Variants in CFAP300 observed in about 807,000 individuals in gnomAD.
CFAP300 encodes the protein cilia- and flagella-associated protein 300.
CFAP300 carries 32 observed loss-of-function variants against 33.0 expected under a neutral mutation model. The observed-to-expected ratio is 0.97, with a 90% CI of 0.73 to 1.30. The LOEUF (loss-of-function observed/expected upper bound fraction) is 1.30, where lower values mean the gene tolerates loss of function less well. CFAP300 is among the 50% of genes most tolerant of loss of function. CFAP300 has a pLI of 0.00. For missense variants in CFAP300, 356 were observed against 318.1 expected, an observed-to-expected ratio of 1.12 and a Z score of -0.90; for synonymous variants, 102 against 106.8, an observed-to-expected ratio of 0.95 and a Z score of 0.28.
In CFAP300 at chr11:102,065,880, C is replaced by A. The variant is rs145219930; in HGVS notation, c.269-605C>A. ...TCTGATAATATATGCATTAAGAATC[C>A]TCTACTACATTTTTTTAAAATGTAT... On this transcript the variant is annotated intron_variant, in intron 3 of 6. Transcript: ENST00000434758. 4.7e-3 allele frequency among the ~76,000 whole-genome samples: 717 copies of A among 152,056 alleles called. 7 individuals carry two copies. Among genetic ancestry groups the A allele is most frequent in the African/African-American group, 0.016 (673 of 41,484 alleles).
rs2135053010 is a variant in CFAP300 at position 102,081,269 on chromosome 11, A to C, written c.663A>C (p.Lys221Asn). 1.9e-6 allele frequency: 3 copies of C among 1,612,152 alleles called. No homozygotes were observed. The highest frequency in any genetic ancestry group is 1.3e-5 in the African/African-American group (1 of 75,016). The change falls in exon 6 of 7, where the codon AAA (lysine) becomes AAC (asparagine). Residue 221 changes from lysine (K) to asparagine (N), a missense_variant. Lys to Asn is a moderately conservative substitution (Grantham distance 94, BLOSUM62 0). Coordinates refer to ENST00000434758, the MANE Select transcript of CFAP300 (RefSeq NM_032930.3). ...TACAGATTACCTCTTCTGTCTTTAAAGTTTCAGCTTATGTAAGTGTGAGAG... is the reference window on the plus strand; with the variant it reads ...TACAGATTACCTCTTCTGTCTTTAACGTTTCAGCTTATGTAAGTGTGAGAG... Reference protein sequence around the residue: ...KKIQITSSVFKVSAYDSAGMC... With the variant: ...KKIQITSSVFNVSAYDSAGMC...
chr11:102,055,054 C>G (rs574022806), intron 2 of CFAP300, among the ~76,000 whole-genome samples: 12 of 151,106 alleles, frequency 7.9e-5, no homozygotes, highest in African/African-American at 2.9e-4. Flanking sequence ...GATCTCAGCT[C>G]ACTGCAACCT....
intron 4 of CFAP300, among the ~76,000 whole-genome samples, chr11:102,072,385 G>A (rs1041707060): frequency 1.3e-5 from 2 of 151,826 alleles, no homozygotes; most frequent in African/African-American, 4.8e-5. Flanking sequence ...ATCCTGAATT[G>A]TTTTTCTGAT....
intron 5 of CFAP300, among the ~76,000 whole-genome samples, chr11:102,081,003 TAA>T (rs780515800): frequency 2.0e-5 from 3 of 152,184 alleles, no homozygotes; most frequent in South Asian, 2.1e-4. Flanking sequence ...CTTCTAACTG[TAA>T]GATTCAATTT....
intron 3 of CFAP300, among the ~76,000 whole-genome samples, chr11:102,065,330 T>A (rs1942206229): frequency 6.6e-6 from 1 of 151,676 alleles, no homozygotes; most frequent in Non-Finnish European, 1.5e-5. Flanking sequence ...GGTCTCAAAC[T>A]CCTGACCTCA....
At chr11:102,070,175 G>T (rs1177237570) in intron 4 of CFAP300, among the ~76,000 whole-genome samples, 1 of 152,116 alleles carries the variant, frequency 6.6e-6, no homozygotes, top group African/African-American at 2.4e-5. Context: ...GTGGAGATAT[G>T]CAAGTGTTAC....
At chr11:102,055,630 G>A (rs1942042004) in intron 2 of CFAP300, among the ~76,000 whole-genome samples, 1 of 150,306 alleles carries the variant, frequency 6.7e-6, no homozygotes, top group African/African-American at 2.4e-5. Context: ...CCATAGGCGT[G>A]AGGCACCACA....
intron 2 of CFAP300, among the ~76,000 whole-genome samples, chr11:102,055,361 C>CTTTTTTTTTTTTT (rs561779599): frequency 0.015 from 1,703 of 113,038 alleles, 49 homozygotes; most frequent in East Asian, 0.027. Flanking sequence ...ATGCGTTACT[C>CTTTTTTTTTTTTT]TTTTTTTTTT....
rs1470503538 is a variant in CFAP300, at chr11:102,050,553, A to G, written c.192+2657A>G. On this transcript the variant is annotated intron_variant, in intron 2 of 6. Transcript: ENST00000434758. ...ACATCTCTTTAGTTCCTAGGTCTATATAGATGAATAGACACAATTAAAGGG... is the reference window on the plus strand; with the variant it reads ...ACATCTCTTTAGTTCCTAGGTCTATGTAGATGAATAGACACAATTAAAGGG... 3.9e-5 allele frequency among the ~76,000 whole-genome samples: 6 copies of G among 152,350 alleles called. No individual in the cohort carries two copies. In the South Asian group the frequency reaches 1.2e-3, roughly 32 times the overall value.
At chr11:102,062,010 A>G (rs1250626698) in intron 3 of CFAP300, among the ~76,000 whole-genome samples, 1 of 152,128 alleles carries the variant, frequency 6.6e-6, no homozygotes, top group African/African-American at 2.4e-5. Flanking sequence ...TAACCCTTCA[A>G]TGTGATGGTT....
At chr11:102,064,018 G>A (rs375886554) in intron 3 of CFAP300, among the ~76,000 whole-genome samples, 101 of 151,980 alleles carry the variant, frequency 6.6e-4, no homozygotes, top group African/African-American at 2.3e-3. Flanking sequence ...TTTCCCAAAG[G>A]CCCCATCTCC....
At chr11:102,065,168 G>A (rs985285131) in intron 3 of CFAP300, among the ~76,000 whole-genome samples, 1 of 151,964 alleles carries the variant, frequency 6.6e-6, no homozygotes, top group African/African-American at 2.4e-5. Flanking sequence ...GTGCAGTGGC[G>A]TCATCTCGGC....
chr11:102,050,395 C>G (rs1010919006), intron 2 of CFAP300, among the ~76,000 whole-genome samples: 1 of 152,186 alleles, frequency 6.6e-6, no homozygotes. Context: ...CAAAAACTCA[C>G]TACTGAACAG....
chr11:102,083,188 G>A lies in CFAP300; in HGVS notation c.793G>A (p.Asp265Asn). 6.6e-7 allele frequency: 1 copy of A among 1,511,634 alleles called. No homozygotes were observed. 93.6% of individuals were successfully genotyped at this position (1,511,634 alleles called of 1,614,324 possible). A position where few individuals can be genotyped will look rare whatever the true frequency, so the allele number is the denominator to read the frequency against. Residue 265 changes from aspartate to asparagine, a missense_variant, in exon 7 of 7, where the codon GAC becomes AAC. Physicochemically the swap from Asp to Asn is conservative, Grantham distance 23. Coordinates refer to ENST00000434758, the MANE Select transcript of CFAP300 (RefSeq NM_032930.3). ...HVLYHCYGVG[D>N]MS ...TTTATACCACTGTTATGGTGTGGGA[G>A]ACATGTCTTAATGTTCTTTCAGATT... is the stretch of plus-strand genomic sequence containing the variant.
chr11:102,057,877 T>C (rs932608376), intron 2 of CFAP300: 2 of 152,304 alleles, frequency 1.3e-5, no homozygotes, highest in Non-Finnish European at 2.9e-5. Flanking sequence ...CCACCCTGAA[T>C]GCTGGAAGCT....
chr11:102,069,634 C>A (rs1004711407), intron 4 of CFAP300, among the ~76,000 whole-genome samples: 1 of 151,900 alleles, frequency 6.6e-6, no homozygotes, highest in African/African-American at 2.4e-5. Flanking sequence ...GAAAACCAGA[C>A]TCTATTAAAA....
At chr11:102,057,665 G>A (rs1942080603) in intron 2 of CFAP300, among the ~76,000 whole-genome samples, 1 of 152,228 alleles carries the variant, frequency 6.6e-6, no homozygotes, top group East Asian at 1.9e-4. Context: ...CTTGCATCCA[G>A]ATAGTAAGCG....
intron 2 of CFAP300, among the ~76,000 whole-genome samples, chr11:102,054,324 A>C (rs1942016086): frequency 6.6e-6 from 1 of 152,184 alleles, no homozygotes; most frequent in Non-Finnish European, 1.5e-5. Context: ...CTCTCTTACT[A>C]TCTGCCTGCC....
At chr11:102,072,796 T>A (rs939476105) in intron 4 of CFAP300, among the ~76,000 whole-genome samples, 2 of 152,190 alleles carry the variant, frequency 1.3e-5, no homozygotes, top group African/African-American at 4.8e-5. Context: ...AGGAGAAGAC[T>A]TTTTCCCGAA....
Sources: allele counts gnomAD v4.1 joint callset (sites outside exome capture counted in the v4.1 genomes callset), GRCh38; gene constraint gnomAD v4.1.1; transcripts MANE v1.5; gene names NCBI Gene and HGNC (gene_info 2026-07-23, HGNC 2026-07-21).